Variants in MYO18B observed in about 807,000 individuals in gnomAD.
MYO18B encodes the protein unconventional myosin-XVIIIb.
In MYO18B, 204 loss-of-function variants were observed where a neutral mutation model predicts 273.0. The observed-to-expected ratio is 0.75, with a 90% CI of 0.67 to 0.84. The LOEUF is 0.84. Among genes scored for constraint, MYO18B ranks in the 40% least tolerant of loss-of-function variants. The pLI is 0.00. For synonymous variants in MYO18B, 1,330 were observed against 1,305.7 expected, an observed-to-expected ratio of 1.02 and a Z score of -0.40; for missense variants, 3,212 against 3,287.6, an observed-to-expected ratio of 0.98 and a Z score of 0.56.
chr22:25,858,857 C>A (rs934347964), intron 21 of MYO18B, among the ~76,000 whole-genome samples: 2 of 152,180 alleles, frequency 1.3e-5, no homozygotes, highest in Admixed American at 1.3e-4. Flanking sequence ...GTTGTGAATT[C>A]GAAGTGGGAT....
intron 12 of MYO18B, among the ~76,000 whole-genome samples, chr22:25,815,400 C>A (rs369245589): frequency 6.6e-6 from 1 of 152,226 alleles, no homozygotes; most frequent in African/African-American, 2.4e-5. Context: ...GTCTCCCTGA[C>A]AACTCTGCTC....
intron 33 of MYO18B, among the ~76,000 whole-genome samples, chr22:25,918,701 G>C (rs1250610349): frequency 1.3e-5 from 2 of 152,192 alleles, no homozygotes; most frequent in African/African-American, 4.8e-5. Flanking sequence ...GTCAACATCA[G>C]GGAATGTCCC....
intron 6 of MYO18B, 87 bp downstream of exon 6, chr22:25,771,071 G>C: frequency 1.0e-6 from 1 of 962,354 alleles, no homozygotes; most frequent in South Asian, 1.5e-5. Context: ...AGTCCTGCAA[G>C]AGATTTCCTT....
intron 13 of MYO18B, 81 bp from the exon 14 acceptor site, chr22:25,826,328 G>C: frequency 1.1e-6 from 1 of 950,158 alleles, no homozygotes; most frequent in Non-Finnish European, 1.6e-6. Flanking sequence ...TAAATTGAGT[G>C]GTCCCTACTG....
downstream of MYO18B, among the ~76,000 whole-genome samples, chr22:26,035,374 G>C (rs1936758987): frequency 6.6e-6 from 1 of 152,162 alleles, no homozygotes; most frequent in African/African-American, 2.4e-5. Context: ...GACCCATAGA[G>C]AGCACTCACC....
At chr22:25,999,533 CT>C (rs1569280668) in intron 40 of MYO18B, among the ~76,000 whole-genome samples, 3 of 104,776 alleles carry the variant, frequency 2.9e-5, no homozygotes, top group African/African-American at 8.1e-5. Flanking sequence ...CCTCCCCCTC[CT>C]CCCCCTCTTC....
At chr22:26,010,262 C>T (rs1934792660) in intron 42 of MYO18B, among the ~76,000 whole-genome samples, 1 of 152,188 alleles carries the variant, frequency 6.6e-6, no homozygotes, top group African/African-American at 2.4e-5. Context: ...CTCCACCCTC[C>T]TTTAGTCCAT....
the MYO18B span, among the ~76,000 whole-genome samples, chr22:26,051,667 T>G: frequency 2.0e-5 from 3 of 152,340 alleles, no homozygotes; most frequent in Middle Eastern, 0.01. Flanking sequence ...TCCTTCGTAC[T>G]TCTACTCTTG....
At chr22:26,015,350 A>G (rs1293700487) in intron 42 of MYO18B, among the ~76,000 whole-genome samples, 1 of 152,200 alleles carries the variant, frequency 6.6e-6, no homozygotes, top group African/African-American at 2.4e-5. Context: ...ACATGCATAT[A>G]TATGGTTCAT....
Position 26,026,795 on chromosome 22 carries a change from A to T in MYO18B, c.6821A>T (p.Asp2274Val), listed in dbSNP as rs775726545. 10 of 1,601,406 alleles carry T rather than the reference A, an allele frequency of 6.2e-6. No homozygotes were observed. The African/African-American group carries it at 6.7e-5, about 11-fold the overall frequency. Residue 2274 changes from aspartate (D) to valine (V), a missense_variant, in exon 43 of 44, where the codon GAC becomes GTC. Coordinates refer to ENST00000335473, the MANE Select transcript of MYO18B (RefSeq NM_032608.7). ...CAGGGGTCCACGCTGGGCCTAGAGGACTGGCCCACTCTCCCCATTTACCAG... is the reference window on the plus strand; with the variant it reads ...CAGGGGTCCACGCTGGGCCTAGAGGTCTGGCCCACTCTCCCCATTTACCAG... ...RGQGSTLGLE[D>V]WPTLPIYQTT...
In MYO18B at chr22:25,761,042, C is replaced by G; in HGVS notation, c.-51C>G. ...TAAAGCCTCATTCCGTGCTGTCTGGCAGGAAGCTCCATCTCATCTCATCAT... is the reference window on the plus strand; with the variant it reads ...TAAAGCCTCATTCCGTGCTGTCTGGGAGGAAGCTCCATCTCATCTCATCAT... On this transcript the variant is annotated 5_prime_UTR_variant, in exon 2 of 44. Transcript: ENST00000335473. The G allele has an allele frequency of 6.2e-7, 1 of 1,603,874 alleles. No individual in the cohort carries two copies. Among genetic ancestry groups the G allele is most frequent in the South Asian group, 1.1e-5 (1 of 90,938 alleles).
In MYO18B at chr22:25,829,735, G is replaced by A. The variant is rs1601824144; in HGVS notation, c.2979+767G>A. On this transcript the variant is annotated intron_variant, in intron 15 of 43. Transcript: ENST00000335473. ...CGCCCATAATCCCAGCTACTCGAGA[G>A]GCTGAGGCAGGAGAATCGCTTGAAC... is the stretch of plus-strand genomic sequence containing the variant. Among the ~76,000 whole-genome samples, 3 of 152,174 alleles carry A rather than the reference G, an allele frequency of 2.0e-5. No individual in the cohort carries two copies. In the South Asian group the frequency reaches 6.2e-4, roughly 32 times the overall value.
intron 29 of MYO18B, chr22:25,900,349 T>A (rs967889099): frequency 6.6e-6 from 1 of 152,256 alleles, no homozygotes; most frequent in African/African-American, 2.4e-5. Context: ...AGGGAAAATT[T>A]AGAAGTCAGT....
At chr22:25,844,958 A>G (rs2090190658) in intron 18 of MYO18B, among the ~76,000 whole-genome samples, 1 of 152,202 alleles carries the variant, frequency 6.6e-6, no homozygotes, top group Non-Finnish European at 1.5e-5. Context: ...AAATAAGAGC[A>G]GGACGATGCT....
intron 7 of MYO18B, among the ~76,000 whole-genome samples, 187 bp downstream of exon 7, chr22:25,772,697 G>A (rs547367103): frequency 6.6e-6 from 1 of 152,326 alleles, no homozygotes; most frequent in African/African-American, 2.4e-5. Context: ...TTCCCTGGAG[G>A]GAAAGATCAG....
At chr22:25,890,542 C>T (rs1263775298) in intron 25 of MYO18B, among the ~76,000 whole-genome samples, 3 of 152,220 alleles carry the variant, frequency 2.0e-5, no homozygotes, top group African/African-American at 7.2e-5. Context: ...ACCAGCAAGG[C>T]ATCCTGCTTG....
chr22:25,900,519 G>C (rs907479960), intron 29 of MYO18B: 6 of 152,418 alleles, frequency 3.9e-5, no homozygotes, highest in African/African-American at 1.4e-4. Context: ...TTTCATTTTG[G>C]TTGGATTGTT....
At chr22:25,915,781 C>T (rs948480830) in intron 33 of MYO18B, among the ~76,000 whole-genome samples, 1 of 152,186 alleles carries the variant, frequency 6.6e-6, no homozygotes, top group African/African-American at 2.4e-5. Context: ...TTTCAATACA[C>T]AGCTCTTTCG....
Position 25,820,106 on chromosome 22 carries a change from CCAT to C in MYO18B, c.2522-3391_2522-3389del, listed in dbSNP as rs1402151342. 7.1e-3 allele frequency among the ~76,000 whole-genome samples: 28 copies of C among 3,924 alleles called. 1 individual carries two copies. In the South Asian group the frequency reaches 0.17, roughly 24 times the overall value. 2.6% of individuals were successfully genotyped at this position (3,924 alleles called of 152,430 possible). ...ATCACTGTCATCACCATCATCATCA[CCAT>C]CATCATCTCCATCATTTTTTAAAGT... On this transcript the variant is annotated intron_variant, in intron 12 of 43. Transcript: ENST00000335473.
Sources: gnomAD v4.1 joint callset for allele counts (sites outside exome capture counted in the v4.1 genomes callset) on GRCh38, gnomAD v4.1.1 for gene constraint, MANE v1.5 for transcripts, NCBI Gene and HGNC (gene_info 2026-07-23, HGNC 2026-07-21) for gene names.